Variants in TRPM7 observed in about 807,000 individuals in gnomAD.
The protein encoded by TRPM7 is LTRPC ion channel family member 7.
In TRPM7, 134 loss-of-function variants were observed where a neutral mutation model predicts 229.7. The ratio of observed to expected loss-of-function variants is 0.58; its 90% CI spans 0.51 to 0.67. TRPM7 has a LOEUF of 0.67. Among genes scored for constraint, TRPM7 ranks in the 30% least tolerant of loss-of-function variants. TRPM7 has a pLI of 0.00. For synonymous variants in TRPM7, 699 were observed against 715.2 expected (o/e 0.98, Z 0.36); for missense variants, 1,901 against 2,210.0 (o/e 0.86, Z 2.80).
intron 13 of TRPM7, among the ~76,000 whole-genome samples, chr15:50,616,290 TA>T (rs928338626): frequency 5.9e-5 from 9 of 151,970 alleles, no homozygotes; most frequent in East Asian, 3.9e-4. Flanking sequence ...CTTATAGAAA[TA>T]AAAAAAATAG....
intron 3 of TRPM7, among the ~76,000 whole-genome samples, chr15:50,655,120 G>GA (rs566929042): frequency 7.8e-6 from 1 of 128,478 alleles, no homozygotes; most frequent in African/African-American, 2.8e-5. Context: ...ATCAGATAAA[G>GA]AAAAAAAAGT....
At chr15:50,663,824 A>G (rs1325856612) in intron 1 of TRPM7, among the ~76,000 whole-genome samples, 8 of 152,122 alleles carry the variant, frequency 5.3e-5, no homozygotes, top group Non-Finnish European at 1.2e-4. Flanking sequence ...TTAGCCAGGT[A>G]TGGTGATGTG....
chr15:50,670,070 T>C (rs2061957175), intron 1 of TRPM7, among the ~76,000 whole-genome samples: 1 of 152,300 alleles, frequency 6.6e-6, no homozygotes, highest in Admixed American at 6.5e-5. Context: ...GAGTTATGGA[T>C]GGCCCTCAGC....
At chr15:50,591,242 G>A (rs2059484382) in intron 26 of TRPM7, among the ~76,000 whole-genome samples, 1 of 152,076 alleles carries the variant, frequency 6.6e-6, no homozygotes, top group South Asian at 2.1e-4. Flanking sequence ...CTTTTAAAGT[G>A]TCTTGGTTTG....
chr15:50,647,564 T>C (rs1410606084), intron 4 of TRPM7, among the ~76,000 whole-genome samples: 1 of 152,036 alleles, frequency 6.6e-6, no homozygotes, highest in East Asian at 2.0e-4. Flanking sequence ...GCTAACACAA[T>C]GAAACCCTGT....
chr15:50,686,613 C>A lies in TRPM7; in HGVS notation c.-80G>T. 6.4e-7 allele frequency: 1 copy of A among 1,572,176 alleles called. No individual in the cohort carries two copies. The highest frequency in any genetic ancestry group is 8.6e-7 in the Non-Finnish European group (1 of 1,159,536). On this transcript the variant is annotated 5_prime_UTR_variant, in exon 1 of 39. Coordinates refer to ENST00000646667, the MANE Select transcript of TRPM7 (RefSeq NM_017672.6). ...CGGCCTGTAGCCATCTATCGGGAAGCGTCTCCGGAGGCGGCAGCAGAGGCC... is the reference window on the plus strand; with the variant it reads ...CGGCCTGTAGCCATCTATCGGGAAGAGTCTCCGGAGGCGGCAGCAGAGGCC...
In TRPM7 at chr15:50,609,712, C is replaced by T; in HGVS notation, c.2449G>A (p.Glu817Lys). 1.3e-6 allele frequency: 2 copies of T among 1,582,338 alleles called. No homozygotes were observed. Among genetic ancestry groups the T allele is most frequent in the Non-Finnish European group, 1.7e-6 (2 of 1,168,978 alleles). ...TCATTACTATCCAAAATCCGTACTTCTTTAAACACTTCCTAAAATTAAAAA... is the reference window on the plus strand; with the variant it reads ...TCATTACTATCCAAAATCCGTACTTTTTTAAACACTTCCTAAAATTAAAAA... ...TEEIPMEVFK[E>K]VRILDSNEGK... Residue 817 changes from glutamate to lysine, a missense_variant, in exon 19 of 39, where the codon GAA becomes AAA. Transcript: ENST00000646667.
At chr15:50,640,849 G>T (rs1371078287) in intron 5 of TRPM7, among the ~76,000 whole-genome samples, 5 of 152,106 alleles carry the variant, frequency 3.3e-5, no homozygotes, top group Admixed American at 1.3e-4. Flanking sequence ...TGAGAGGGAG[G>T]ACACAGTGTG....
chr15:50,634,638 A>G, intron 7 of TRPM7, 82 bp from the exon 8 acceptor site: 2 of 1,020,968 alleles, frequency 2.0e-6, no homozygotes, highest in South Asian at 3.4e-5. Context: ...GGCAAAATTC[A>G]GTACTCTAAT....
chr15:50,570,848 C>T (rs958218149), intron 36 of TRPM7, among the ~76,000 whole-genome samples: 21 of 145,936 alleles, frequency 1.4e-4, no homozygotes, highest in Non-Finnish European at 1.6e-4. Flanking sequence ...GAGTGAAATT[C>T]GTCTCAAAAA....
intron 1 of TRPM7, among the ~76,000 whole-genome samples, chr15:50,679,511 AATAT>A (rs138501624): frequency 0.028 from 2,102 of 75,144 alleles, 54 homozygotes; most frequent in Middle Eastern, 0.061. Context: ...GTATATATAT[AATAT>A]ATATATATAT....
intron 28 of TRPM7, among the ~76,000 whole-genome samples, chr15:50,583,534 T>A (rs895341273): frequency 2.6e-5 from 4 of 151,908 alleles, no homozygotes; most frequent in African/African-American, 9.7e-5. Flanking sequence ...GAGAAACATA[T>A]ATGTCTGGAG....
chr15:50,585,211 G>A (rs1044338207), intron 28 of TRPM7, among the ~76,000 whole-genome samples: 20 of 151,996 alleles, frequency 1.3e-4, no homozygotes, highest in Non-Finnish European at 2.5e-4. Context: ...ACAGGCGCCC[G>A]CCACCGCGCC....
intron 1 of TRPM7, among the ~76,000 whole-genome samples, chr15:50,674,378 C>A (rs961528996): frequency 6.6e-6 from 1 of 152,010 alleles, no homozygotes; most frequent in Non-Finnish European, 1.5e-5. Flanking sequence ...GTGATCCACC[C>A]GCCTCAGCCT....
chr15:50,604,725 A>G (rs573431877), intron 21 of TRPM7, 141 bp downstream of exon 21: 1 of 782,690 alleles, frequency 1.3e-6, no homozygotes, highest in East Asian at 2.7e-5. Flanking sequence ...CTCTTAAGGA[A>G]TGGCAGATGT....
intron 2 of TRPM7, 29 bp downstream of exon 2, chr15:50,662,938 G>T (rs760199479): frequency 6.7e-7 from 1 of 1,498,500 alleles, no homozygotes; most frequent in Admixed American, 1.9e-5. Context: ...ATTTCTAGAA[G>T]ACCCCAGAAG....
chr15:50,636,543 T>A (rs1451509378), intron 7 of TRPM7, among the ~76,000 whole-genome samples: 1 of 152,194 alleles, frequency 6.6e-6, no homozygotes, highest in Non-Finnish European at 1.5e-5. Flanking sequence ...GTAAACACTG[T>A]TCTGTAGTTT....
At chr15:50,609,090 A>T (rs979715289) in intron 19 of TRPM7, among the ~76,000 whole-genome samples, 2 of 152,250 alleles carry the variant, frequency 1.3e-5, no homozygotes, top group African/African-American at 2.4e-5. Flanking sequence ...ATTATATGGA[A>T]GGTAATCAAG....
chr15:50,646,283 T>C (rs1201246693), intron 4 of TRPM7, among the ~76,000 whole-genome samples: 2 of 152,024 alleles, frequency 1.3e-5, no homozygotes, highest in South Asian at 2.1e-4. Flanking sequence ...TGGTTTTTGC[T>C]GTTGTTATTT....
Sources: allele counts gnomAD v4.1 joint callset (sites outside exome capture counted in the v4.1 genomes callset), GRCh38; gene constraint gnomAD v4.1.1; transcripts MANE v1.5; gene names NCBI Gene and HGNC (gene_info 2026-07-23, HGNC 2026-07-21).